The following COX15 variants were observed in gnomAD, a reference collection of about 807,000 sequenced individuals.
COX15 encodes the protein cytochrome c oxidase assembly factor COX15, also known as heme A synthase COX15.
COX15 carries 51 observed loss-of-function variants against 51.9 expected under a neutral mutation model. That is an observed-to-expected ratio of 0.98 (90% CI 0.78 to 1.24). The LOEUF is 1.24. Among genes scored for constraint, COX15 ranks in the 50% most tolerant of loss-of-function variants. The pLI is 0.00. For synonymous variants in COX15, 188 were observed against 190.5 expected (o/e 0.99, Z 0.11); for missense variants, 420 against 501.1 (o/e 0.84, Z 1.55).
At chr10:99,718,873 G>A (rs1286552412) in intron 6 of COX15, among the ~76,000 whole-genome samples, 2 of 152,186 alleles carry the variant, frequency 1.3e-5, no homozygotes, top group Non-Finnish European at 2.9e-5. Context: ...TCCCACAGAT[G>A]TCTGCATGAC....
At position 99,712,731 on chromosome 10, in the gene COX15, G is replaced by T; in HGVS notation, c.*1856C>A. 2 of 515,870 alleles carry T rather than the reference G, an allele frequency of 3.9e-6. No homozygotes were observed. The highest frequency in any genetic ancestry group is 5.0e-6 in the Non-Finnish European group (2 of 401,068). 32.0% of individuals were successfully genotyped at this position (515,870 alleles called of 1,614,324 possible). A position where few individuals can be genotyped will look rare whatever the true frequency, so the allele number is the denominator to read the frequency against. On this transcript the variant is annotated 3_prime_UTR_variant, in exon 9 of 9. Coordinates refer to ENST00000016171, the MANE Select transcript of COX15 (RefSeq NM_078470.6). The stretch of plus-strand genomic sequence containing the variant: ...CAGTATAGTCCGAGCTGGGGCACCT[G>T]CTCGCCAGTGTTACTGTCTCCATCA...
chr10:99,724,564 G>A (rs183775036), intron 4 of COX15, among the ~76,000 whole-genome samples: 6 of 151,186 alleles, frequency 4.0e-5, no homozygotes, highest in Non-Finnish European at 8.8e-5. Flanking sequence ...TCCCCAATAC[G>A]CAGTGTCCCA....
intron 8 of COX15, among the ~76,000 whole-genome samples, chr10:99,715,257 C>T (rs1331722352): frequency 1.3e-5 from 2 of 152,142 alleles, no homozygotes; most frequent in Non-Finnish European, 2.9e-5. Context: ...CCTGCCTCAG[C>T]CTCCCAAGTA....
At chr10:99,719,274 C>T (rs1258064276) in intron 6 of COX15, among the ~76,000 whole-genome samples, 1 of 151,802 alleles carries the variant, frequency 6.6e-6, no homozygotes, top group East Asian at 1.9e-4. Flanking sequence ...GGCTGGAGTG[C>T]AGTGGCATGA....
At chr10:99,700,857 C>T in the COX15 span, 265 of 813,004 alleles carry the variant, frequency 3.3e-4, no homozygotes, top group Non-Finnish European at 5.1e-4. Flanking sequence ...TTTCTGTTTT[C>T]CTTTGTCAGC....
chr10:99,716,566 C>T, intron 7 of COX15, 105 bp from the exon 8 acceptor site: 1 of 767,394 alleles, frequency 1.3e-6, no homozygotes, highest in Admixed American at 2.0e-5. Flanking sequence ...AAGTACTTTC[C>T]TGTACCAGTC....
the COX15 span, among the ~76,000 whole-genome samples, chr10:99,701,215 C>G: frequency 2.6e-5 from 4 of 151,960 alleles, no homozygotes; most frequent in Non-Finnish European, 4.4e-5. Flanking sequence ...AAATAGTGAG[C>G]CTATTATAGC....
At chr10:99,728,379 C>T (rs2037030032) in intron 2 of COX15, among the ~76,000 whole-genome samples, 1 of 152,144 alleles carries the variant, frequency 6.6e-6, no homozygotes, top group South Asian at 2.1e-4. Flanking sequence ...AATTCAAATC[C>T]TTTATTTGTT....
At chr10:99,718,308 C>T (rs757600305) in intron 7 of COX15, 38 bp downstream of exon 7, 9 of 1,612,730 alleles carry the variant, frequency 5.6e-6, no homozygotes, top group Non-Finnish European at 7.6e-6. Flanking sequence ...ATGATAGGCT[C>T]CTGTGCTCTC....
intron 6 of COX15, among the ~76,000 whole-genome samples, 195 bp downstream of exon 6, chr10:99,720,792 T>G (rs2036736647): frequency 6.6e-6 from 1 of 151,898 alleles, no homozygotes; most frequent in African/African-American, 2.4e-5. Flanking sequence ...TGTTCAATAT[T>G]TTTGTTCAAT....
intron 4 of COX15, 101 bp downstream of exon 4, chr10:99,726,867 G>A (rs1313691413): frequency 4.7e-5 from 57 of 1,203,504 alleles, no homozygotes; most frequent in Non-Finnish European, 5.4e-5. Context: ...CAGCCTGGGC[G>A]ACACAGCGAG....
chr10:99,714,999 AATAAAT>A (rs2036520255), intron 8 of COX15, among the ~76,000 whole-genome samples: 1 of 152,232 alleles, frequency 6.6e-6, no homozygotes, highest in Non-Finnish European at 1.5e-5. Flanking sequence ...TTTATAGAGA[AATAAAT>A]ATATAGTTTT....
At chr10:99,702,758 T>TA in the COX15 span, 9 of 1,308,384 alleles carry the variant, frequency 6.9e-6, no homozygotes, top group Non-Finnish European at 9.2e-6. Context: ...TTTTTTTTTT[T>TA]AACCAGCTTA....
the COX15 span, chr10:99,702,547 T>A: frequency 6.2e-7 from 1 of 1,606,916 alleles, no homozygotes; most frequent in Non-Finnish European, 8.5e-7. Flanking sequence ...ATGTACCAAG[T>A]CTTACATGAA....
At chr10:99,695,700 C>G in the COX15 span, among the ~76,000 whole-genome samples, 1 of 152,034 alleles carries the variant, frequency 6.6e-6, no homozygotes, top group Non-Finnish European at 1.5e-5. Flanking sequence ...GTAATTCTAC[C>G]TCCTATATAA....
At chr10:99,704,097 A>G in the COX15 span, among the ~76,000 whole-genome samples, 1 of 152,200 alleles carries the variant, frequency 6.6e-6, no homozygotes, top group South Asian at 2.1e-4. Context: ...GGGATACCCT[A>G]TTCTCATTAG....
downstream of COX15, chr10:99,710,641 C>T (rs1344202295): frequency 3.0e-6 from 3 of 985,208 alleles, no homozygotes; most frequent in African/African-American, 5.2e-5. Flanking sequence ...TGCATTCTCC[C>T]TTATGCAGGG....
the COX15 span, chr10:99,705,128 T>C: frequency 0.012 from 2,173 of 174,414 alleles, 35 homozygotes; most frequent in Non-Finnish European, 0.014. Flanking sequence ...AACAGAGATA[T>C]CATTTATGTG....
In COX15 at chr10:99,726,961, A is replaced by G; in HGVS notation, c.582+7T>C. On this transcript the variant is annotated splice_region_variant and intron_variant, in intron 4 of 8. Coordinates refer to ENST00000016171, the MANE Select transcript of COX15 (RefSeq NM_078470.6). Reference sequence around the variant, plus strand: ...TTTCTGGTTTCTCAACCTTGAATAAATCTTACCTGGAAGCAGACGAGGCCA... The same window carrying G: ...TTTCTGGTTTCTCAACCTTGAATAAGTCTTACCTGGAAGCAGACGAGGCCA... 1.2e-6 allele frequency: 2 copies of G among 1,613,580 alleles called. No individual in the cohort carries two copies. The highest frequency in any genetic ancestry group is 1.3e-5 in the African/African-American group (1 of 75,014).
Sources: allele counts gnomAD v4.1 joint callset (sites outside exome capture counted in the v4.1 genomes callset), GRCh38; gene constraint gnomAD v4.1.1; transcripts MANE v1.5; gene names NCBI Gene and HGNC (gene_info 2026-07-23, HGNC 2026-07-21).